The following NPLOC4 variants were observed in gnomAD, a reference collection of about 807,000 sequenced individuals.
NPLOC4 encodes the protein nuclear protein localization protein 4 homolog.
Under a neutral mutation model 80.6 loss-of-function variants are expected in NPLOC4, and 18 were observed. The observed-to-expected ratio is 0.22, with a 90% confidence interval of 0.15 to 0.33. NPLOC4 has a LOEUF of 0.33. Ranked by LOEUF, NPLOC4 falls within the 10% of genes least tolerant of loss-of-function variation. The pLI is 1.00. For missense variants in NPLOC4, 540 were observed against 786.1 expected (o/e 0.69, Z 3.74); for synonymous variants, 313 against 301.5 (o/e 1.04, Z -0.39).
chr17:81,635,166 C>G (rs958794743), intron 1 of NPLOC4, among the ~76,000 whole-genome samples: 1 of 151,604 alleles, frequency 6.6e-6, no homozygotes, highest in Non-Finnish European at 1.5e-5. Flanking sequence ...ACGGTGAAAC[C>G]CCATCACCAC....
In NPLOC4 at chr17:81,567,266, A is replaced by C; in HGVS notation, c.1566+151T>G. The C allele has an allele frequency of 1.6e-6, 1 of 619,820 alleles. No individual in the cohort carries two copies. Among genetic ancestry groups the C allele is most frequent in the Non-Finnish European group, 2.9e-6 (1 of 342,672 alleles). 38.4% of individuals were successfully genotyped at this position (619,820 alleles called of 1,614,324 possible). ...AAAAGCTGCTGCCTACACTCTGCCC[A>C]TAGGACAAATGAGGGGGACAACCTG... On this transcript the variant is annotated intron_variant, in intron 15 of 16. Coordinates refer to ENST00000331134, the MANE Select transcript of NPLOC4 (RefSeq NM_017921.4). This position sits in a 1 kb window ranked among gnomAD's most constrained non-coding sequence, Gnocchi z 4.5.
At chr17:81,566,205 A>ACG in intron 15 of NPLOC4, among the ~76,000 whole-genome samples, 1 of 152,194 alleles carries the variant, frequency 6.6e-6, no homozygotes, top group South Asian at 2.1e-4. Flanking sequence ...GGTTGCGGGC[A>ACG]CCTGTAATCC....
At chr17:81,573,875 T>C (rs2034222847) in intron 12 of NPLOC4, among the ~76,000 whole-genome samples, 1 of 152,238 alleles carries the variant, frequency 6.6e-6, no homozygotes, top group South Asian at 2.1e-4. Flanking sequence ...TTGCCTTCCT[T>C]GGACACTGAA....
intron 1 of NPLOC4, among the ~76,000 whole-genome samples, chr17:81,633,142 A>G (rs1012758470): frequency 4.6e-5 from 7 of 151,260 alleles, no homozygotes; most frequent in African/African-American, 4.9e-5. Flanking sequence ...AAAAAAAAAA[A>G]AAGAAAAGAA....
intron 16 of NPLOC4, chr17:81,562,367 T>G (rs2033876879): frequency 6.6e-6 from 1 of 151,940 alleles, no homozygotes; most frequent in Non-Finnish European, 1.5e-5. Flanking sequence ...GGAGAAACCC[T>G]GTCTCTACTA....
chr17:81,585,670 G>GT (rs1329590389), intron 12 of NPLOC4, among the ~76,000 whole-genome samples: 2 of 142,458 alleles, frequency 1.4e-5, no homozygotes, highest in African/African-American at 5.3e-5. Flanking sequence ...CTGGGGGGGG[G>GT]GGGAAAGAAA....
rs2035397044 is a variant in NPLOC4, at chr17:81,613,475, G to A, written c.229C>T (p.Leu77=). The A allele has an allele frequency of 6.2e-7, 1 of 1,613,700 alleles. No individual in the cohort carries two copies. The highest frequency in any genetic ancestry group is 1.1e-5 in the South Asian group (1 of 91,042). Residue 77 remains leucine (L), a synonymous_variant, in exon 4 of 17, where the codon CTG becomes TTG. Transcript: ENST00000331134. ...LKIKHGDLLF[L]FPSSLAGPSS... ...GGCCCAGCAAGGCTCGAGGGAAACA[G>A]GAACAACAAATCGCCATGCCTGTTC...
chr17:81,612,973 C>A, intron 4 of NPLOC4: 1 of 183,454 alleles, frequency 5.5e-6, no homozygotes, highest in Non-Finnish European at 1.1e-5. Context: ...ATTAACACCC[C>A]ACTCTGCACG....
At position 81,559,370 on chromosome 17, in the gene NPLOC4, G is replaced by C. The variant is rs368004865; in HGVS notation, c.1716C>G (p.Val572=). 1 of 1,609,240 alleles carries C rather than the reference G, an allele frequency of 6.2e-7. No individual in the cohort carries two copies. The highest frequency in any genetic ancestry group is 8.5e-7 in the Non-Finnish European group (1 of 1,178,216). The change falls in exon 17 of 17, where the codon GTC becomes GTG. Residue 572 remains valine, a synonymous_variant. Coordinates refer to ENST00000331134, the MANE Select transcript of NPLOC4 (RefSeq NM_017921.4). ...QLPGLHEYGA[V]GGSTHTATAA... is the part of the protein sequence containing the mutation. ...CAGTGGCCGTGTGTGTGGAGCCCCCGACGGCGCCGTACTCATGGAGACCTG... is the reference window on the plus strand; with the variant it reads ...CAGTGGCCGTGTGTGTGGAGCCCCCCACGGCGCCGTACTCATGGAGACCTG...
intron 1 of NPLOC4, among the ~76,000 whole-genome samples, chr17:81,632,436 C>A (rs1357224889): frequency 1.3e-5 from 2 of 151,936 alleles, no homozygotes; most frequent in African/African-American, 4.8e-5. Flanking sequence ...TCTCAGCCTC[C>A]TGAGTATCTG....
chr17:81,626,057 GAGA>G lies in NPLOC4; in HGVS notation c.96+3665_96+3667del, dbSNP rs567916197. On this transcript the variant is annotated intron_variant, in intron 2 of 16. Coordinates refer to ENST00000331134, the MANE Select transcript of NPLOC4 (RefSeq NM_017921.4). Reference sequence around the variant, plus strand: ...CCAGCTACTCAGGAGGCTGAAACAGGAGAATCGCTTGAACCTGGGAGGTGGAGG... The same window carrying G: ...CCAGCTACTCAGGAGGCTGAAACAGGATCGCTTGAACCTGGGAGGTGGAGG... Among the ~76,000 whole-genome samples, 27 of 151,462 alleles carry G rather than the reference GAGA, an allele frequency of 1.8e-4. No individual in the cohort carries two copies. The South Asian group carries it at 5.6e-3, about 32-fold the overall frequency.
At chr17:81,594,759 C>T (rs1056557727) in intron 11 of NPLOC4, among the ~76,000 whole-genome samples, 2 of 150,566 alleles carry the variant, frequency 1.3e-5, no homozygotes, top group Non-Finnish European at 3.0e-5. Context: ...TGGGCGAGAG[C>T]GAGACTCCGT....
chr17:81,576,383 A>G (rs2034301573), intron 12 of NPLOC4, among the ~76,000 whole-genome samples: 1 of 152,194 alleles, frequency 6.6e-6, no homozygotes, highest in Non-Finnish European at 1.5e-5. Context: ...GATTGAAAAT[A>G]CAGTATTCGA....
intron 3 of NPLOC4, among the ~76,000 whole-genome samples, chr17:81,616,974 A>T (rs1390020347): frequency 4.6e-5 from 7 of 152,326 alleles, no homozygotes; most frequent in African/African-American, 1.7e-4. Flanking sequence ...GCTCTTCCCA[A>T]ATCTCCCTCC....
rs575812204 is a variant in NPLOC4, at chr17:81,623,570, A to G, written c.97-1292T>C. 2.3e-3 allele frequency among the ~76,000 whole-genome samples: 340 copies of G among 150,954 alleles called. 5 individuals are homozygous for G. Among genetic ancestry groups the G allele is most frequent in the African/African-American group, 8.1e-3 (332 of 41,178 alleles). On this transcript the variant is annotated intron_variant, in intron 2 of 16. Coordinates refer to ENST00000331134, the MANE Select transcript of NPLOC4 (RefSeq NM_017921.4). The stretch of plus-strand genomic sequence containing the variant: ...TCCCAGCATTTTGGGAGGCCGAGGC[A>G]GGCGGATCATGAGGTCAGGAGATCG...
At chr17:81,598,930 A>G (rs180724193) in intron 9 of NPLOC4, among the ~76,000 whole-genome samples, 16 of 152,318 alleles carry the variant, frequency 1.1e-4, no homozygotes, top group African/African-American at 3.8e-4. Flanking sequence ...ATGAAACTTA[A>G]AGGGTTAATT....
intron 11 of NPLOC4, among the ~76,000 whole-genome samples, chr17:81,591,131 G>A (rs2144148123): frequency 6.6e-6 from 1 of 152,254 alleles, no homozygotes; most frequent in African/African-American, 2.4e-5. Context: ...ATCTGGTTAG[G>A]ACACCATGAA....
chr17:81,610,146 TA>T, intron 5 of NPLOC4, 63 bp downstream of exon 5: 2 of 1,468,694 alleles, frequency 1.4e-6, no homozygotes, highest in African/African-American at 1.4e-5. Context: ...GGCAAGCACT[TA>T]AGACAGCTGT....
chr17:81,611,418 C>T, intron 4 of NPLOC4, among the ~76,000 whole-genome samples: 1 of 151,520 alleles, frequency 6.6e-6, no homozygotes, highest in Non-Finnish European at 1.5e-5. Flanking sequence ...GGTATGATCT[C>T]GGCTCCATGC....
Sources: gnomAD v4.1 joint callset for allele counts (sites outside exome capture counted in the v4.1 genomes callset) on GRCh38, gnomAD v4.1.1 for gene constraint, Gnocchi (gnomAD v3.1) non-coding constraint, MANE v1.5 for transcripts, NCBI Gene and HGNC (gene_info 2026-07-23, HGNC 2026-07-21) for gene names.